KCNJ5: variants seen among roughly 807,000 people sequenced by gnomAD.
KCNJ5 encodes the protein G protein-activated inward rectifier potassium channel 4.
Under a neutral mutation model 20.2 loss-of-function variants are expected in KCNJ5, and 12 were observed. The ratio of observed to expected loss-of-function variants is 0.59; its 90% CI spans 0.38 to 0.96. The LOEUF (loss-of-function observed/expected upper bound fraction) is 0.96. Ranked by LOEUF, KCNJ5 falls within the 40% of genes least tolerant of loss-of-function variation. The pLI is 0.00. For missense variants in KCNJ5, 449 were observed against 557.6 expected, an observed-to-expected ratio of 0.81 and a Z score of 1.96; for synonymous variants, 210 against 213.9, an observed-to-expected ratio of 0.98 and a Z score of 0.16.
chr11:128,904,568 A>G, intron 1 of KCNJ5: 1 of 1,050,722 alleles, frequency 9.5e-7, no homozygotes, highest in Middle Eastern at 2.0e-4. Context: ...CGTCAACATC[A>G]CTGCGGCTTC....
At chr11:128,898,251 C>T (rs959341682) in intron 1 of KCNJ5, among the ~76,000 whole-genome samples, 2 of 152,192 alleles carry the variant, frequency 1.3e-5, no homozygotes, top group Non-Finnish European at 2.9e-5. Context: ...AGAGAATCAA[C>T]GTTTTTACTA....
rs1591435940 is a variant in KCNJ5, at chr11:128,892,388, G to T, written c.-11+667G>T. Among the ~76,000 whole-genome samples the T allele has an allele frequency of 2.0e-5, 3 of 152,128 alleles. No individual in the cohort carries two copies. In the South Asian group the frequency reaches 6.2e-4, roughly 32 times the overall value. ...CTCCCTGCAGAGCTGTTGGCCCCCTGGTTTTATCTGTGCCTTCCCTCAAAC... is the reference window on the plus strand; with the variant it reads ...CTCCCTGCAGAGCTGTTGGCCCCCTTGTTTTATCTGTGCCTTCCCTCAAAC... On this transcript the variant is annotated intron_variant, in intron 1 of 2. Transcript: ENST00000529694.
At chr11:128,903,583 T>C in intron 1 of KCNJ5, 1 of 1,548,010 alleles carries the variant, frequency 6.5e-7, no homozygotes, top group East Asian at 2.3e-5. Flanking sequence ...TGGTCTTGTT[T>C]CTACTGCGGG....
At chr11:128,902,802 C>G (rs961334938) in intron 1 of KCNJ5, 37 of 1,415,350 alleles carry the variant, frequency 2.6e-5, no homozygotes, top group Non-Finnish European at 3.4e-5. Context: ...CACAACGCAG[C>G]CCAACATGTC....
chr11:128,903,298 T>C (rs1403197715), intron 1 of KCNJ5: 4 of 1,560,986 alleles, frequency 2.6e-6, no homozygotes, highest in South Asian at 1.1e-5. Context: ...AGCCTACTAA[T>C]TGCACGTGAC....
Position 128,917,191 on chromosome 11 carries a change from A to G in KCNJ5, c.*460A>G. The G allele has an allele frequency of 6.2e-6, 1 of 161,890 alleles. No homozygotes were observed. The highest frequency in any genetic ancestry group is 1.8e-4 in the East Asian group (1 of 5,484). The allele number at this position is 161,890 out of a possible 1,614,324, so 10.0% of individuals were successfully genotyped here. The stretch of plus-strand genomic sequence containing the variant: ...GAGCTCAAACCTCTAGTCTGGGATG[A>G]GCTCACAGAGCCCTCATGAGTTAAG... On this transcript the variant is annotated 3_prime_UTR_variant, in exon 3 of 3. Transcript: ENST00000529694.
rs886048010 is a variant in KCNJ5, at chr11:128,912,073, G to A, written c.800G>A (p.Arg267His). The A allele has an allele frequency of 5.6e-6, 9 of 1,613,750 alleles. No individual in the cohort carries two copies. The highest frequency in any genetic ancestry group is 7.6e-6 in the Non-Finnish European group (9 of 1,179,990). ...INVGFDTGDD[R>H]LFLVSPLIIS... ...GTGGGCTTTGACACGGGCGACGACC[G>A]CCTCTTCCTTGTGTCTCCTCTGATC... The change falls in exon 2 of 3, where the codon CGC becomes CAC. Residue 267 changes from arginine (R) to histidine (H), a missense_variant. Arg to His is a conservative substitution (Grantham distance 29). Transcript: ENST00000529694.
intron 1 of KCNJ5, among the ~76,000 whole-genome samples, chr11:128,898,180 A>G (rs923595034): frequency 6.6e-5 from 10 of 152,216 alleles, no homozygotes; most frequent in African/African-American, 2.4e-4. Flanking sequence ...TTTTATCTAT[A>G]TCTATAAAAA....
In KCNJ5 at chr11:128,911,915, G is replaced by A; in HGVS notation, c.642G>A (p.Lys214=). The A allele has an allele frequency of 1.2e-6, 2 of 1,604,830 alleles. No individual in the cohort carries two copies. Among genetic ancestry groups the A allele is most frequent in the South Asian group, 1.1e-5 (1 of 90,226 alleles). Residue 214 remains lysine (K), a synonymous_variant, in exon 2 of 3, where the codon AAG becomes AAA. Transcript: ENST00000529694. This position sits in a 1 kb window ranked among gnomAD's most constrained non-coding sequence, Gnocchi z 6.3. ...CAGTCATCTCCATGCGGGACGAGAA[G>A]CTGTGCCTCATGTTCCGGGTGGGCG... ...NNAVISMRDE[K]LCLMFRVGDL... is the part of the protein sequence containing the mutation.
chr11:128,894,319 C>T (rs1565541689), intron 1 of KCNJ5, among the ~76,000 whole-genome samples: 2 of 152,002 alleles, frequency 1.3e-5, no homozygotes. Context: ...TGTTAGCAAA[C>T]ACTCACATTT....
intron 1 of KCNJ5, among the ~76,000 whole-genome samples, chr11:128,897,377 C>T (rs966388418): frequency 6.6e-6 from 1 of 152,124 alleles, no homozygotes; most frequent in Non-Finnish European, 1.5e-5. Flanking sequence ...GGATTACAAG[C>T]ATGAGCCACC....
rs1253875985 is a variant in KCNJ5 at position 128,916,972 on chromosome 11, G to A, written c.*241G>A. ...TGCCTCTTGTAGGTGCTGGCTAAGG[G>A]CCAGGCCAGGATGAGTTTCCCCATG... is the stretch of plus-strand genomic sequence containing the variant. On this transcript the variant is annotated 3_prime_UTR_variant, in exon 3 of 3. Transcript: ENST00000529694. The A allele has an allele frequency of 1.2e-5, 6 of 497,224 alleles. No individual in the cohort carries two copies. Among genetic ancestry groups the A allele is most frequent in the Admixed American group, 3.6e-5 (1 of 27,502 alleles). The allele number at this position is 497,224 out of a possible 1,614,324, so 30.8% of individuals were successfully genotyped here. A position where few individuals can be genotyped will look rare whatever the true frequency, so the allele number is the denominator to read the frequency against.
intron 1 of KCNJ5, among the ~76,000 whole-genome samples, chr11:128,909,001 A>G (rs1026127832): frequency 6.6e-6 from 1 of 152,174 alleles, no homozygotes; most frequent in Non-Finnish European, 1.5e-5. Context: ...TGTCTCATTT[A>G]TCCTTGTTAA....
Position 128,911,119 on chromosome 11 carries a change from C to T in KCNJ5, c.-10-145C>T. 2.9e-6 allele frequency: 2 copies of T among 689,168 alleles called. No individual in the cohort carries two copies. 42.7% of individuals were successfully genotyped at this position (689,168 alleles called of 1,614,324 possible). On this transcript the variant is annotated intron_variant, in intron 1 of 2. Coordinates refer to ENST00000529694, the MANE Select transcript of KCNJ5 (RefSeq NM_000890.5). This position sits in a 1 kb window ranked among gnomAD's most constrained non-coding sequence, Gnocchi z 6.3. ...AAAAGAACCCTATAAGAGAGTGAGG[C>T]CCCTGCCCTTGAGGATTTCACGCCC...
intron 1 of KCNJ5, among the ~76,000 whole-genome samples, chr11:128,897,816 C>A (rs570173106): frequency 6.6e-6 from 1 of 152,184 alleles, no homozygotes; most frequent in African/African-American, 2.4e-5. Context: ...TTTGAATTAA[C>A]TTTGGTATAA....
intron 1 of KCNJ5, among the ~76,000 whole-genome samples, chr11:128,893,355 C>T (rs1159548418): frequency 6.6e-6 from 1 of 151,738 alleles, no homozygotes; most frequent in African/African-American, 2.4e-5. Flanking sequence ...ATTGCTGGCT[C>T]AGGAGGCTGA....
In KCNJ5 at chr11:128,911,845, G is replaced by A; in HGVS notation, c.572G>A (p.Ser191Asn). 1.2e-6 allele frequency: 2 copies of A among 1,614,100 alleles called. No homozygotes were observed. Among genetic ancestry groups the A allele is most frequent in the Non-Finnish European group, 1.7e-6 (2 of 1,179,964 alleles). The stretch of plus-strand genomic sequence containing the variant: ...GTGGGGTGCATGTTTGTCAAGATCA[G>A]CCAGCCCAAGAAGAGAGCGGAGACC... ...FMVGCMFVKI[S>N]QPKKRAETLM... Residue 191 changes from serine to asparagine, a missense_variant, in exon 2 of 3, where the codon AGC becomes AAC. By Grantham distance (46) the Ser-to-Asn change is conservative. This residue lies in a region of KCNJ5 where 203 missense variants were observed against 258.0 expected (regional missense o/e 0.79). Coordinates refer to ENST00000529694, the MANE Select transcript of KCNJ5 (RefSeq NM_000890.5). The surrounding 1 kb of genome is among the most constrained non-coding windows in gnomAD (Gnocchi z 6.3).
At chr11:128,892,471 G>A (rs1199670966) in intron 1 of KCNJ5, among the ~76,000 whole-genome samples, 1 of 152,184 alleles carries the variant, frequency 6.6e-6, no homozygotes, top group Non-Finnish European at 1.5e-5. Context: ...CAAAGTTCTA[G>A]GGCCTACCCT....
At position 128,908,537 on chromosome 11, in the gene KCNJ5, C is replaced by T. The variant is rs146293076; in HGVS notation, c.-10-2727C>T. ...AAACCACCCTTTCCTATCTGCCAGA[C>T]GCAAAAAGTTTTCCTATCTGGGCTG... On this transcript the variant is annotated intron_variant, in intron 1 of 2. Transcript: ENST00000529694. 5.3e-3 allele frequency among the ~76,000 whole-genome samples: 814 copies of T among 152,278 alleles called. 10 individuals carry two copies. Among genetic ancestry groups the T allele is most frequent in the African/African-American group, 0.018 (763 of 41,552 alleles).
Sources: gnomAD v4.1 joint callset for allele counts (sites outside exome capture counted in the v4.1 genomes callset) on GRCh38, gnomAD v4.1.1 for gene constraint, gnomAD v4.1.1 regional missense constraint, Gnocchi (gnomAD v3.1) non-coding constraint, MANE v1.5 for transcripts, NCBI Gene and HGNC (gene_info 2026-07-23, HGNC 2026-07-21) for gene names.